The following NUP98 variants were observed in gnomAD, a reference collection of about 807,000 sequenced individuals.
NUP98 encodes nucleoporin 98 and 96 precursor, also known as nuclear pore complex protein Nup98-Nup96.
In NUP98, 26 loss-of-function variants were observed where a neutral mutation model predicts 191.9. That is an observed-to-expected ratio of 0.14 (90% CI 0.10 to 0.19). NUP98 has a LOEUF of 0.19. Among genes scored for constraint, NUP98 ranks in the 10% least tolerant of loss-of-function variants. NUP98 has a pLI of 1.00. For missense variants in NUP98, 1,941 were observed against 2,178.8 expected (o/e 0.89, Z 2.17); for synonymous variants, 808 against 778.4 (o/e 1.04, Z -0.63).
intron 20 of NUP98, chr11:3,711,792 C>T (rs2079028790): frequency 1.1e-6 from 1 of 942,900 alleles, no homozygotes; most frequent in Non-Finnish European, 1.3e-6. Flanking sequence ...ACCCTCCCCT[C>T]CCCTGTACGC....
chr11:3,793,186 T>C (rs2082412543), intron 1 of NUP98, among the ~76,000 whole-genome samples: 1 of 152,224 alleles, frequency 6.6e-6, no homozygotes, highest in Non-Finnish European at 1.5e-5. Flanking sequence ...GCCATTAAAA[T>C]ACTCCTCTCT....
chr11:3,702,755 G>A lies in NUP98; in HGVS notation c.3220C>T (p.Leu1074=). 6.2e-7 allele frequency: 1 copy of A among 1,614,156 alleles called. No homozygotes were observed. The highest frequency in any genetic ancestry group is 8.5e-7 in the Non-Finnish European group (1 of 1,180,032). ...CTGGGCATTGTGAACACAGAAGTCAGGGGTGGAGGGACAGACCAAGAGGAT... is the reference window on the plus strand; with the variant it reads ...CTGGGCATTGTGAACACAGAAGTCAAGGGTGGAGGGACAGACCAAGAGGAT... ...STSSWSVPPP[L]TSVFTMPSPA... is the part of the protein sequence containing the mutation. Residue 1074 remains leucine, a synonymous_variant, in exon 23 of 33, where the codon CTG becomes TTG. Coordinates refer to ENST00000324932, the MANE Select transcript of NUP98 (RefSeq NM_016320.5).
chr11:3,749,539 C>G (rs1405339222), intron 11 of NUP98, among the ~76,000 whole-genome samples: 1 of 152,074 alleles, frequency 6.6e-6, no homozygotes, highest in Admixed American at 6.6e-5. Context: ...GCAGGAGAAT[C>G]ACTTGAACCC....
At chr11:3,712,129 A>G in intron 20 of NUP98, 5 of 1,060,244 alleles carry the variant, frequency 4.7e-6, no homozygotes, top group Non-Finnish European at 5.7e-6. Flanking sequence ...ACTTTAAAAA[A>G]ATGGAGATTA....
intron 8 of NUP98, among the ~76,000 whole-genome samples, chr11:3,763,700 C>T (rs1464223877): frequency 1.3e-5 from 2 of 152,238 alleles, no homozygotes; most frequent in African/African-American, 4.8e-5. Flanking sequence ...AAGGGCACGC[C>T]ACCAGGCCTG....
intron 18 of NUP98, 110 bp downstream of exon 18, chr11:3,719,297 GTACTC>G: frequency 1.4e-6 from 1 of 711,348 alleles, no homozygotes; most frequent in East Asian, 3.0e-5. Flanking sequence ...GACAATAAAT[GTACTC>G]TATAGTAAGG....
rs1264745300 is a variant in NUP98 at position 3,713,874 on chromosome 11, T to C, written c.2521A>G (p.Lys841Glu). The change falls in exon 19 of 33, where the codon AAA becomes GAA. Residue 841 changes from lysine (K) to glutamate (E), a missense_variant. Transcript: ENST00000324932. ...TATTCTTTGAATTGAGCTCCCTGTT[T>C]CCTTGAAACTGCTTCCAATCTTCCT... ...YEGRLEAVSR[K>E]QGAQFKEYRP... The C allele has an allele frequency of 6.2e-7, 1 of 1,614,174 alleles. No homozygotes were observed. The highest frequency in any genetic ancestry group is 8.5e-7 in the Non-Finnish European group (1 of 1,180,016).
At chr11:3,717,520 AT>A (rs2079229303) in intron 18 of NUP98, among the ~76,000 whole-genome samples, 1 of 152,106 alleles carries the variant, frequency 6.6e-6, no homozygotes. Flanking sequence ...TGATTTTTCC[AT>A]GTTGATTCTG....
chr11:3,761,745 C>T (rs545355883), intron 9 of NUP98, among the ~76,000 whole-genome samples: 38 of 151,684 alleles, frequency 2.5e-4, no homozygotes, highest in Non-Finnish European at 4.6e-4. Flanking sequence ...GGGCAACAGG[C>T]GAGACTCCGT....
chr11:3,682,455 T>C (rs539055114), intron 30 of NUP98, among the ~76,000 whole-genome samples: 6 of 152,278 alleles, frequency 3.9e-5, no homozygotes, highest in African/African-American at 9.6e-5. Context: ...TTAGAGGCCA[T>C]TGTAGGGTTA....
Position 3,683,262 on chromosome 11 carries a change from C to T in NUP98, c.4856G>A (p.Cys1619Tyr), listed in dbSNP as rs1469598540. 1 of 1,614,008 alleles carries T rather than the reference C, an allele frequency of 6.2e-7. No homozygotes were observed. The highest frequency in any genetic ancestry group is 8.5e-7 in the Non-Finnish European group (1 of 1,180,042). ...MESDKHLEAL[C>Y]LFKAEHWNRC... Reference sequence around the variant, plus strand: ...GTTCCAGTGCTCAGCCTTAAATAAGCAAAGGGCCTCTAAGTGCTTGTCAGA... The same window carrying T: ...GTTCCAGTGCTCAGCCTTAAATAAGTAAAGGGCCTCTAAGTGCTTGTCAGA... Residue 1619 changes from cysteine (C) to tyrosine (Y), a missense_variant, in exon 30 of 33, where the codon TGC becomes TAC. This residue lies in a region of NUP98 where 1,030 missense variants were observed against 1,115.8 expected (regional missense o/e 0.92). Coordinates refer to ENST00000324932, the MANE Select transcript of NUP98 (RefSeq NM_016320.5).
At chr11:3,732,634 C>T (rs895239164) in intron 13 of NUP98, among the ~76,000 whole-genome samples, 1 of 152,214 alleles carries the variant, frequency 6.6e-6, no homozygotes, top group African/African-American at 2.4e-5. Context: ...AATAAAGTTA[C>T]TTCCTCTGAT....
chr11:3,788,583 T>A (rs1400716284), intron 1 of NUP98, among the ~76,000 whole-genome samples: 3 of 147,164 alleles, frequency 2.0e-5, no homozygotes, highest in African/African-American at 7.6e-5. Context: ...AAGAGTGAAA[T>A]TCTGTCTCCA....
intron 1 of NUP98, among the ~76,000 whole-genome samples, chr11:3,782,394 C>T (rs1002096492): frequency 3.3e-5 from 5 of 151,722 alleles, no homozygotes; most frequent in Admixed American, 3.3e-4. Flanking sequence ...CATTAACCAT[C>T]CATTTAAAAC....
rs1434826991 is a variant in NUP98, at chr11:3,746,407, C to A, written c.1268-1758G>T. On this transcript the variant is annotated intron_variant, in intron 11 of 32. Transcript: ENST00000324932. Reference sequence around the variant, plus strand: ...TTACTTCATCAAAGGAAATAGTTTACAGCACAAACTACAGAATTGTTTATT... The same window carrying A: ...TTACTTCATCAAAGGAAATAGTTTAAAGCACAAACTACAGAATTGTTTATT... Among the ~76,000 whole-genome samples the A allele has an allele frequency of 4.7e-5, 7 of 150,492 alleles. No homozygotes were observed. In the East Asian group the frequency reaches 1.4e-3, roughly 29 times the overall value.
Position 3,723,081 on chromosome 11 carries a change from A to G in NUP98, c.2146+76T>C. On this transcript the variant is annotated intron_variant, in intron 16 of 32. Transcript: ENST00000324932. ...AAAATGCCAAACAGCTGACTTCCAT[A>G]TGTTGAATATCTGCAACAAGCAAGT... 12 of 1,357,342 alleles carry G rather than the reference A, an allele frequency of 8.8e-6. No homozygotes were observed. The South Asian group carries it at 1.6e-4, about 18-fold the overall frequency. 84.1% of individuals were successfully genotyped at this position (1,357,342 alleles called of 1,614,324 possible).
intron 10 of NUP98, among the ~76,000 whole-genome samples, chr11:3,755,557 A>G (rs1017176759): frequency 1.3e-5 from 2 of 152,222 alleles, no homozygotes; most frequent in Non-Finnish European, 2.9e-5. Flanking sequence ...AAGTATCACT[A>G]ATATTATACT....
At chr11:3,720,669 G>A (rs2079356017) in intron 17 of NUP98, 43 bp downstream of exon 17, 2 of 1,044,596 alleles carry the variant, frequency 1.9e-6, no homozygotes, top group African/African-American at 1.6e-5. Flanking sequence ...AAAATAAGGT[G>A]CAACTCTCTG....
At chr11:3,759,062 T>G (rs1307327459) in intron 10 of NUP98, among the ~76,000 whole-genome samples, 3 of 152,268 alleles carry the variant, frequency 2.0e-5, no homozygotes, top group Admixed American at 6.5e-5. Context: ...GATCTCTTTC[T>G]CCAGTACAGG....
Sources: allele counts gnomAD v4.1 joint callset (sites outside exome capture counted in the v4.1 genomes callset), GRCh38; gene constraint gnomAD v4.1.1; regional missense constraint gnomAD v4.1.1; transcripts MANE v1.5; gene names NCBI Gene and HGNC (gene_info 2026-07-23, HGNC 2026-07-21).